Variants in EEFSEC observed in about 807,000 individuals in gnomAD.
EEFSEC encodes the protein selenocysteine-specific elongation factor.
A neutral mutation model predicts 42.1 loss-of-function variants in EEFSEC; 43 were observed. The ratio of observed to expected loss-of-function variants is 1.02; its 90% confidence interval spans 0.80 to 1.32. EEFSEC has a LOEUF of 1.32. Ranked by LOEUF, EEFSEC falls within the 40% of genes most tolerant of loss-of-function variation. The pLI is 0.00. For synonymous variants in EEFSEC, 354 were observed against 339.1 expected (o/e 1.04, Z -0.48); for missense variants, 745 against 803.6 (o/e 0.93, Z 0.88).
In EEFSEC at chr3:128,153,618, C is replaced by T. The variant is rs765368199; in HGVS notation, c.111C>T (p.Asp37=). Residue 37 remains aspartate, a synonymous_variant, in exon 1 of 7, where the codon GAC becomes GAT. Coordinates refer to ENST00000254730, the MANE Select transcript of EEFSEC (RefSeq NM_021937.5). ...LSTTASTAAF[D]KQPQSRERGI... is the part of the protein sequence containing the mutation. ...CCACAGCCTCCACCGCCGCCTTTGACAAGCAGCCGCAGAGCCGCGAGCGCG... is the reference window on the plus strand; with the variant it reads ...CCACAGCCTCCACCGCCGCCTTTGATAAGCAGCCGCAGAGCCGCGAGCGCG... 1.3e-6 allele frequency: 2 copies of T among 1,596,716 alleles called. No homozygotes were observed. The highest frequency in any genetic ancestry group is 1.1e-5 in the South Asian group (1 of 89,972).
At chr3:128,330,446 G>A (rs2067114281) in intron 4 of EEFSEC, among the ~76,000 whole-genome samples, 1 of 152,212 alleles carries the variant, frequency 6.6e-6, no homozygotes, top group South Asian at 2.1e-4. Flanking sequence ...AAACAACAGA[G>A]CGCACAGGCA....
intron 4 of EEFSEC, among the ~76,000 whole-genome samples, chr3:128,335,605 C>G (rs531215147): frequency 1.3e-5 from 2 of 152,196 alleles, no homozygotes; most frequent in African/African-American, 4.8e-5. Context: ...GAAAGGACTT[C>G]AGCTTTTACA....
chr3:128,309,050 A>G (rs1013535316), intron 4 of EEFSEC, among the ~76,000 whole-genome samples: 1 of 152,252 alleles, frequency 6.6e-6, no homozygotes, highest in South Asian at 2.1e-4. Flanking sequence ...GTTTGTACGC[A>G]TGATCTCATT....
intron 1 of EEFSEC, among the ~76,000 whole-genome samples, chr3:128,225,271 G>A (rs865858586): frequency 6.6e-6 from 1 of 152,164 alleles, no homozygotes; most frequent in South Asian, 2.1e-4. Flanking sequence ...GGATGCCACA[G>A]TGAGGCAAGT....
rs182172269 is a variant in EEFSEC at position 128,396,884 on chromosome 3, G to A, written c.1601-11185G>A. Among the ~76,000 whole-genome samples the A allele has an allele frequency of 9.8e-4, 150 of 152,316 alleles. 2 individuals carry two copies. Among genetic ancestry groups the A allele is most frequent in the Middle Eastern group, 3.4e-3 (1 of 294 alleles). ...TGGTGCCCATTTTTGGGCATTTTGG[G>A]CCAGACCTCCCTTACACAAGATGGT... On this transcript the variant is annotated intron_variant, in intron 6 of 6. Coordinates refer to ENST00000254730, the MANE Select transcript of EEFSEC (RefSeq NM_021937.5).
intron 6 of EEFSEC, among the ~76,000 whole-genome samples, chr3:128,371,748 C>T (rs550821956): frequency 3.6e-4 from 55 of 152,320 alleles, no homozygotes; most frequent in South Asian, 2.1e-3. Flanking sequence ...CAGCCTCTGG[C>T]CAGCAAGGAG....
At chr3:128,198,765 G>A (rs962415788) in intron 1 of EEFSEC, among the ~76,000 whole-genome samples, 1 of 152,078 alleles carries the variant, frequency 6.6e-6, no homozygotes, top group Admixed American at 6.5e-5. Context: ...ATGTGGAGGT[G>A]CAGGTCTGAA....
intron 1 of EEFSEC, among the ~76,000 whole-genome samples, chr3:128,183,798 G>A (rs2065436347): frequency 6.6e-6 from 1 of 152,192 alleles, no homozygotes; most frequent in Admixed American, 6.5e-5. Flanking sequence ...TTCTTCAAGT[G>A]TTTGTAGAAT....
Position 128,387,428 on chromosome 3 carries a change from G to T in EEFSEC, c.1601-20641G>T, listed in dbSNP as rs567099019. On this transcript the variant is annotated intron_variant, in intron 6 of 6. Transcript: ENST00000254730. ...TGTGGCAAGACACAAAGGTGCATGA[G>T]TCCAGGCTCGCAAAAGTCGTGATGC... is the stretch of plus-strand genomic sequence containing the variant. Among the ~76,000 whole-genome samples, 8 of 152,330 alleles carry T rather than the reference G, an allele frequency of 5.3e-5. No individual in the cohort carries two copies. In the East Asian group the frequency reaches 1.5e-3, roughly 29 times the overall value.
At chr3:128,191,720 G>A (rs1467340983) in intron 1 of EEFSEC, among the ~76,000 whole-genome samples, 1 of 152,152 alleles carries the variant, frequency 6.6e-6, no homozygotes, top group Non-Finnish European at 1.5e-5. Context: ...TACAGGCTTG[G>A]TGGCTGGTTT....
At chr3:128,170,064 A>C (rs2065279704) in intron 1 of EEFSEC, among the ~76,000 whole-genome samples, 1 of 152,100 alleles carries the variant, frequency 6.6e-6, no homozygotes, top group Admixed American at 6.6e-5. Flanking sequence ...GTGGGTGCAG[A>C]TGTTGGGATA....
At chr3:128,153,971 C>CT (rs1268523906) in intron 1 of EEFSEC, 148 bp downstream of exon 1, 21 of 1,207,594 alleles carry the variant, frequency 1.7e-5, no homozygotes, top group Non-Finnish European at 2.2e-5. Context: ...GCGGACGTGA[C>CT]TTGCCTAGGG....
chr3:128,371,495 A>G (rs964450427), intron 6 of EEFSEC, among the ~76,000 whole-genome samples: 2 of 152,162 alleles, frequency 1.3e-5, no homozygotes, highest in African/African-American at 4.8e-5. Context: ...GGACCAAAAT[A>G]TCCCCCAGTT....
chr3:128,364,527 C>T (rs2067565716), intron 6 of EEFSEC, among the ~76,000 whole-genome samples: 1 of 152,224 alleles, frequency 6.6e-6, no homozygotes, highest in Non-Finnish European at 1.5e-5. Flanking sequence ...AAGGCCAGGA[C>T]AGTGGAAAGA....
chr3:128,422,099 G>C, the EEFSEC span, among the ~76,000 whole-genome samples: 1 of 152,128 alleles, frequency 6.6e-6, no homozygotes, highest in Non-Finnish European at 1.5e-5. Flanking sequence ...GGGGGTCCCA[G>C]TTCAGCCTCC....
At chr3:128,345,880 C>A (rs753094683) in intron 5 of EEFSEC, among the ~76,000 whole-genome samples, 6 of 152,238 alleles carry the variant, frequency 3.9e-5, no homozygotes, top group Non-Finnish European at 8.8e-5. Flanking sequence ...TGTGCTCCTA[C>A]GTTTGTGCCA....
At chr3:128,423,622 C>T in the EEFSEC span, among the ~76,000 whole-genome samples, 1 of 152,292 alleles carries the variant, frequency 6.6e-6, no homozygotes, top group African/African-American at 2.4e-5. Flanking sequence ...GTGAAATGTC[C>T]AGAAGAGGCA....
At chr3:128,338,578 C>T (rs1415972045) in intron 4 of EEFSEC, among the ~76,000 whole-genome samples, 1 of 152,094 alleles carries the variant, frequency 6.6e-6, no homozygotes, top group African/African-American at 2.4e-5. Flanking sequence ...GGAAGAAATC[C>T]CAGGGAGCAG....
chr3:128,279,015 G>C (rs2066496673), intron 4 of EEFSEC, among the ~76,000 whole-genome samples: 1 of 152,258 alleles, frequency 6.6e-6, no homozygotes, highest in African/African-American at 2.4e-5. Flanking sequence ...CAGGAGGGGA[G>C]TGAGCTGGTT....
Sources: gnomAD v4.1 joint callset for allele counts (sites outside exome capture counted in the v4.1 genomes callset) on GRCh38, gnomAD v4.1.1 for gene constraint, MANE v1.5 for transcripts, NCBI Gene and HGNC (gene_info 2026-07-23, HGNC 2026-07-21) for gene names.